The following OTUD7A variants were observed in gnomAD, a reference collection of about 807,000 sequenced individuals.
OTUD7A encodes OTU domain-containing protein 7A.
OTUD7A carries 12 observed loss-of-function variants against 65.7 expected under a neutral mutation model. That is an observed-to-expected ratio of 0.18 (90% CI 0.12 to 0.30). The LOEUF (loss-of-function observed/expected upper bound fraction) is 0.30. OTUD7A is among the 10% of genes least tolerant of loss of function. The pLI, the probability that OTUD7A is intolerant of heterozygous loss-of-function variation, is 1.00. For synonymous variants in OTUD7A, 641 were observed against 586.3 expected, an observed-to-expected ratio of 1.09 and a Z score of -1.35; for missense variants, 1,148 against 1,304.8, an observed-to-expected ratio of 0.88 and a Z score of 1.85.
intron 3 of OTUD7A, among the ~76,000 whole-genome samples, chr15:31,593,314 G>A (rs901200013): frequency 7.9e-5 from 12 of 151,880 alleles, no homozygotes; most frequent in Non-Finnish European, 1.5e-4. Flanking sequence ...AGAGAGCCTA[G>A]ACTGAGACAC....
intron 1 of OTUD7A, among the ~76,000 whole-genome samples, chr15:31,782,628 G>A (rs71476571): frequency 0.2 from 29,862 of 152,166 alleles, 3,384 homozygotes; most frequent in Admixed American, 0.28. Context: ...GGCCAGAGGC[G>A]CTGGGACCCA....
intron 1 of OTUD7A, among the ~76,000 whole-genome samples, chr15:31,790,952 T>C (rs895674994): frequency 2.6e-5 from 4 of 152,168 alleles, no homozygotes; most frequent in Middle Eastern, 3.2e-3. Context: ...GTATTCATGG[T>C]AGAAATAGTG....
chr15:31,837,695 A>G (rs1897089811), intron 1 of OTUD7A, among the ~76,000 whole-genome samples: 1 of 152,242 alleles, frequency 6.6e-6, no homozygotes, highest in African/African-American at 2.4e-5. Flanking sequence ...AGATTAGATG[A>G]CTCAACATAA....
At chr15:31,743,342 A>T (rs1021236327) in intron 1 of OTUD7A, among the ~76,000 whole-genome samples, 1 of 152,190 alleles carries the variant, frequency 6.6e-6, no homozygotes, top group African/African-American at 2.4e-5. Flanking sequence ...ACTAAATAAC[A>T]TGCATGTAAA....
intron 1 of OTUD7A, among the ~76,000 whole-genome samples, chr15:31,809,652 G>A (rs530135935): frequency 6.6e-4 from 101 of 152,298 alleles, no homozygotes; most frequent in African/African-American, 2.4e-3. Context: ...TGCTTCAGCA[G>A]CCACCTTGTG....
intron 1 of OTUD7A, among the ~76,000 whole-genome samples, chr15:31,795,480 G>C (rs897646368): frequency 1.3e-5 from 2 of 152,208 alleles, no homozygotes; most frequent in Admixed American, 6.5e-5. Flanking sequence ...GAGAATTGGA[G>C]TTGGGGGATG....
intron 1 of OTUD7A, among the ~76,000 whole-genome samples, chr15:31,819,692 TATATACTTAC>T (rs1246732199): frequency 2.0e-5 from 3 of 152,010 alleles, no homozygotes; most frequent in African/African-American, 7.2e-5. Context: ...CATATATGCT[TATATACTTAC>T]ATATACATAC....
rs1892487927 is a variant in OTUD7A, at chr15:31,671,695, C to CTTTTTGA, written c.-99-14625_-99-14619dup. 2.0e-5 allele frequency among the ~76,000 whole-genome samples: 3 copies of CTTTTTGA among 151,994 alleles called. No individual in the cohort carries two copies. In the East Asian group the frequency reaches 5.8e-4, roughly 29 times the overall value. Reference sequence around the variant, plus strand: ...ATTCATTGATGTTTCTTTTTATGTGCTTTTTGATTTGGTTTTGCTAATTTT... The same window carrying CTTTTTGA: ...ATTCATTGATGTTTCTTTTTATGTGCTTTTTGATTTTTGATTTGGTTTTGCTAATTTT... On this transcript the variant is annotated intron_variant, in intron 1 of 12. Transcript: ENST00000307050.
intron 1 of OTUD7A, among the ~76,000 whole-genome samples, chr15:31,754,023 A>G (rs920874744): frequency 3.9e-5 from 6 of 151,936 alleles, no homozygotes; most frequent in Non-Finnish European, 7.4e-5. Context: ...CCATGCCAAC[A>G]TCTACTATTT....
intron 5 of OTUD7A, among the ~76,000 whole-genome samples, chr15:31,533,976 G>C (rs1205264998): frequency 3.3e-5 from 5 of 152,144 alleles, no homozygotes; most frequent in African/African-American, 4.8e-5. Context: ...AATAGACTTT[G>C]ATAAAGTATG....
chr15:31,651,667 C>T (rs1891842141), intron 3 of OTUD7A, among the ~76,000 whole-genome samples: 2 of 151,204 alleles, frequency 1.3e-5, no homozygotes, highest in South Asian at 2.1e-4. Context: ...TTGCAGGATG[C>T]AAGATCAACA....
At chr15:31,775,295 A>G (rs949223768) in intron 1 of OTUD7A, among the ~76,000 whole-genome samples, 9 of 152,218 alleles carry the variant, frequency 5.9e-5, no homozygotes, top group African/African-American at 2.2e-4. Flanking sequence ...AAAAATAACA[A>G]AAGCCACATA....
chr15:31,762,184 A>G (rs1476226099), intron 1 of OTUD7A, among the ~76,000 whole-genome samples: 2 of 152,270 alleles, frequency 1.3e-5, no homozygotes, highest in Non-Finnish European at 1.5e-5. Flanking sequence ...AACTAACAGT[A>G]AAATCAATGA....
chr15:31,693,217 A>G (rs190748484), intron 1 of OTUD7A, among the ~76,000 whole-genome samples: 10 of 152,390 alleles, frequency 6.6e-5, no homozygotes, highest in Admixed American at 3.9e-4. Flanking sequence ...GAAGTCTGTA[A>G]CAACTTCTGG....
At chr15:31,489,959 A>G (rs1213632650) in intron 10 of OTUD7A, among the ~76,000 whole-genome samples, 1 of 152,196 alleles carries the variant, frequency 6.6e-6, no homozygotes, top group East Asian at 1.9e-4. Context: ...CCAGGTACTG[A>G]GAGGCTCTAC....
At position 31,632,484 on chromosome 15, in the gene OTUD7A, G is replaced by A. The variant is rs576204475; in HGVS notation, c.151+22612C>T. ...CTGCTGCCTGATCTTTCCTCTGGAA[G>A]TTTTGTCTCAGAGGAGTACCTGGCC... On this transcript the variant is annotated intron_variant, in intron 3 of 12. Coordinates refer to ENST00000307050, the MANE Select transcript of OTUD7A (RefSeq NM_001382637.1). Among the ~76,000 whole-genome samples, 40 of 152,346 alleles carry A rather than the reference G, an allele frequency of 2.6e-4. No homozygotes were observed. In the South Asian group the frequency reaches 7.5e-3, roughly 28 times the overall value.
chr15:31,847,405 C>T (rs1208854570), intron 1 of OTUD7A, among the ~76,000 whole-genome samples: 1 of 152,146 alleles, frequency 6.6e-6, no homozygotes, highest in Non-Finnish European at 1.5e-5. Context: ...TAGTGATGTT[C>T]CTTCTCGTTC....
intron 1 of OTUD7A, among the ~76,000 whole-genome samples, chr15:31,790,764 A>G (rs889805334): frequency 6.6e-6 from 1 of 152,132 alleles, no homozygotes; most frequent in African/African-American, 2.4e-5. Flanking sequence ...CCCTCAATCC[A>G]TGAATGACAG....
At chr15:31,807,585 A>G (rs1043395852) in intron 1 of OTUD7A, among the ~76,000 whole-genome samples, 1 of 152,022 alleles carries the variant, frequency 6.6e-6, no homozygotes, top group African/African-American at 2.4e-5. Context: ...TTATAGAGGG[A>G]GAGTTTGGGA....
Sources: allele counts gnomAD v4.1 joint callset (sites outside exome capture counted in the v4.1 genomes callset), GRCh38; gene constraint gnomAD v4.1.1; transcripts MANE v1.5; gene names NCBI Gene and HGNC (gene_info 2026-07-23, HGNC 2026-07-21).